Variants in RAP1GDS1 observed in about 807,000 individuals in gnomAD.
The protein encoded by RAP1GDS1 is Rap1 GTPase-GDP dissociation stimulator 1, also known as RAP1, GTP-GDP dissociation stimulator 1.
A neutral mutation model predicts 71.1 loss-of-function variants in RAP1GDS1; 35 were observed. The observed-to-expected ratio is 0.49, with a 90% CI of 0.38 to 0.65. RAP1GDS1 has a LOEUF of 0.65. RAP1GDS1 is among the 30% of genes least tolerant of loss of function. The pLI, the probability that RAP1GDS1 is intolerant of heterozygous loss-of-function variation, is 0.00. For missense variants in RAP1GDS1, 663 were observed against 706.1 expected (o/e 0.94, Z 0.69); for synonymous variants, 229 against 243.1 (o/e 0.94, Z 0.54).
intron 2 of RAP1GDS1, 54 bp downstream of exon 2, chr4:98,293,569 C>A: frequency 7.9e-7 from 1 of 1,260,968 alleles, no homozygotes; most frequent in South Asian, 1.3e-5. Flanking sequence ...AATCAGTAGT[C>A]ATTCAGAAAC....
rs1283607626 is a variant in RAP1GDS1, at chr4:98,424,271, C to CT, written c.1440+2878dup. Among the ~76,000 whole-genome samples the CT allele has an allele frequency of 2.1e-4, 32 of 152,180 alleles. No individual in the cohort carries two copies. In the East Asian group the frequency reaches 2.1e-3, roughly 10 times the overall value. On this transcript the variant is annotated intron_variant, in intron 12 of 14. Coordinates refer to ENST00000408927, the MANE Select transcript of RAP1GDS1 (RefSeq NM_001100427.2). ...CATTACCCTTAATCTTTTTGCTCTA[C>CT]TCCAAGAGAATCTCCACCATTGGTT...
intron 13 of RAP1GDS1, among the ~76,000 whole-genome samples, chr4:98,436,203 C>T (rs1751117848): frequency 6.6e-6 from 1 of 152,106 alleles, no homozygotes; most frequent in African/African-American, 2.4e-5. Flanking sequence ...CTCCACTGCA[C>T]TGATTTTGTA....
intron 1 of RAP1GDS1, among the ~76,000 whole-genome samples, chr4:98,272,512 C>T (rs985480504): frequency 1.3e-5 from 2 of 152,084 alleles, no homozygotes; most frequent in African/African-American, 4.8e-5. Context: ...GTTGGTTGTG[C>T]GATCTGTGGT....
At chr4:98,312,801 G>T (rs1341209205) in intron 2 of RAP1GDS1, among the ~76,000 whole-genome samples, 1 of 151,962 alleles carries the variant, frequency 6.6e-6, no homozygotes, top group Non-Finnish European at 1.5e-5. Flanking sequence ...TGGTCACGGT[G>T]GCTCACGCCT....
At chr4:98,301,924 A>G (rs1162923574) in intron 2 of RAP1GDS1, among the ~76,000 whole-genome samples, 1 of 152,146 alleles carries the variant, frequency 6.6e-6, no homozygotes, top group Non-Finnish European at 1.5e-5. Context: ...AGACATACTA[A>G]TTACCCCACT....
At chr4:98,262,357 C>A (rs1227746587) in intron 1 of RAP1GDS1, among the ~76,000 whole-genome samples, 1 of 152,210 alleles carries the variant, frequency 6.6e-6, no homozygotes, top group Non-Finnish European at 1.5e-5. Context: ...GTCTAATCTG[C>A]ATAATCTGAT....
Position 98,293,567 on chromosome 4 carries a change from G to C in RAP1GDS1, c.112+52G>C, listed in dbSNP as rs1166727866. The C allele has an allele frequency of 4.6e-5, 63 of 1,356,698 alleles. 1 individual carries two copies. The highest frequency in any genetic ancestry group is 6.4e-5 in the Non-Finnish European group (62 of 965,828). 84.0% of individuals were successfully genotyped at this position (1,356,698 alleles called of 1,614,324 possible). Reference sequence around the variant, plus strand: ...TCCAAAGAAGAAAATCAAATCAGTAGTCATTCAGAAACTGGTATGTAGTTA... The same window carrying C: ...TCCAAAGAAGAAAATCAAATCAGTACTCATTCAGAAACTGGTATGTAGTTA... On this transcript the variant is annotated intron_variant, in intron 2 of 14. Coordinates refer to ENST00000408927, the MANE Select transcript of RAP1GDS1 (RefSeq NM_001100427.2).
chr4:98,280,896 G>A (rs983731855), intron 1 of RAP1GDS1, among the ~76,000 whole-genome samples: 3 of 152,062 alleles, frequency 2.0e-5, no homozygotes, highest in Non-Finnish European at 4.4e-5. Context: ...TTTTTCTGAG[G>A]TTTGTCAAAG....
intron 7 of RAP1GDS1, among the ~76,000 whole-genome samples, chr4:98,415,594 C>G (rs1467270132): frequency 6.6e-6 from 1 of 152,072 alleles, no homozygotes; most frequent in Non-Finnish European, 1.5e-5. Flanking sequence ...CAAATATAAG[C>G]TCTTCAGTGA....
In RAP1GDS1 at chr4:98,437,020, G is replaced by A. The variant is rs1335442782; in HGVS notation, c.1648G>A (p.Glu550Lys). Residue 550 changes from glutamate (E) to lysine (K), a missense_variant, in exon 14 of 15, where the codon GAA (glutamate) becomes AAA (lysine). By Grantham distance (56) the Glu-to-Lys change is moderately conservative. Transcript: ENST00000408927. ...RLLADERSAP[E>K]IKYNSMVLIC... ...GCTAGCAGATGAGAGAAGTGCTCCT[G>A]AAATCAAATATAATTCCATGGTCCT... 6.2e-7 allele frequency: 1 copy of A among 1,612,702 alleles called. No individual in the cohort carries two copies. Among genetic ancestry groups the A allele is most frequent in the Admixed American group, 1.7e-5 (1 of 59,780 alleles).
At chr4:98,269,175 A>C (rs1010007507) in intron 1 of RAP1GDS1, among the ~76,000 whole-genome samples, 1 of 14,340 alleles carries the variant, frequency 7.0e-5, no homozygotes, top group Middle Eastern at 0.033. Flanking sequence ...TTGATCTTCA[A>C]AAAAAAAAAA....
At chr4:98,357,262 A>T in intron 4 of RAP1GDS1, among the ~76,000 whole-genome samples, 1 of 151,924 alleles carries the variant, frequency 6.6e-6, no homozygotes, top group East Asian at 1.9e-4. Context: ...AAGTCTTTGT[A>T]TTTACCCTAT....
At chr4:98,426,384 C>G (rs1749619367) in intron 12 of RAP1GDS1, among the ~76,000 whole-genome samples, 1 of 151,678 alleles carries the variant, frequency 6.6e-6, no homozygotes, top group Admixed American at 6.6e-5. Context: ...CAGAGCAGAA[C>G]TAAATGAAAT....
At position 98,423,076 on chromosome 4, in the gene RAP1GDS1, T is replaced by A. The variant is rs74735201; in HGVS notation, c.1440+1682T>A. On this transcript the variant is annotated intron_variant, in intron 12 of 14. Transcript: ENST00000408927. ...TTTCTATAAAGGAATTAACTATCCG[T>A]TGAGGGGACAGAAATAAAAACAGCT... Among the ~76,000 whole-genome samples the A allele has an allele frequency of 7.9e-5, 12 of 152,328 alleles. No homozygotes were observed. The East Asian group carries it at 2.3e-3, about 29-fold the overall frequency.
chr4:98,418,726 T>C lies in RAP1GDS1; in HGVS notation c.1109T>C (p.Val370Ala), dbSNP rs1200861028. ...CTTATGGATTTACTGGACAGACATG[T>C]AGAAGATGGAAATGTAACAGTACAG... ...EKLMDLLDRH[V>A]EDGNVTVQHA... Residue 370 changes from valine to alanine, a missense_variant, in exon 10 of 15, where the codon GTA becomes GCA. Val to Ala is a moderately conservative substitution (Grantham distance 64). Transcript: ENST00000408927. 1 of 1,612,864 alleles carries C rather than the reference T, an allele frequency of 6.2e-7. No individual in the cohort carries two copies. Among genetic ancestry groups the C allele is most frequent in the Non-Finnish European group, 8.5e-7 (1 of 1,179,524 alleles).
chr4:98,373,245 G>A (rs1407739549), intron 4 of RAP1GDS1, among the ~76,000 whole-genome samples: 1 of 152,122 alleles, frequency 6.6e-6, no homozygotes, highest in Non-Finnish European at 1.5e-5. Context: ...AGAATTCTAG[G>A]TTGGACTTTA....
chr4:98,441,412 A>C (rs1751853127), intron 14 of RAP1GDS1: 2 of 984,892 alleles, frequency 2.0e-6, no homozygotes, highest in South Asian at 4.7e-5. Flanking sequence ...TATGAAGTAT[A>C]AACTTTTCTT....
chr4:98,380,871 C>T (rs1000316182), intron 5 of RAP1GDS1, among the ~76,000 whole-genome samples: 1 of 151,612 alleles, frequency 6.6e-6, no homozygotes, highest in Non-Finnish European at 1.5e-5. Flanking sequence ...ATGCATCTAA[C>T]CTAGCTGTTA....
At chr4:98,308,295 C>CTATATATGTATATATAT (rs1368490048) in intron 2 of RAP1GDS1, among the ~76,000 whole-genome samples, 1 of 72,150 alleles carries the variant, frequency 1.4e-5, no homozygotes, top group South Asian at 5.9e-4. Flanking sequence ...TACACACACA[C>CTATATATGTATATATAT]ACTATATATA....
Sources: gnomAD v4.1 joint callset for allele counts (sites outside exome capture counted in the v4.1 genomes callset) on GRCh38, gnomAD v4.1.1 for gene constraint, MANE v1.5 for transcripts, NCBI Gene and HGNC (gene_info 2026-07-23, HGNC 2026-07-21) for gene names.